The following TMEM182 variants were observed in gnomAD, a reference collection of about 807,000 sequenced individuals.
The protein encoded by TMEM182 is transmembrane protein 182.
TMEM182 carries 20 observed loss-of-function variants against 26.8 expected under a neutral mutation model. The observed-to-expected ratio is 0.75, with a 90% CI of 0.53 to 1.09. The LOEUF is 1.09. Ranked by LOEUF, TMEM182 falls within the 50% of genes least tolerant of loss-of-function variation. TMEM182 has a pLI of 0.00. For missense variants in TMEM182, 277 were observed against 275.5 expected (o/e 1.01, Z -0.04); for synonymous variants, 109 against 102.2 (o/e 1.07, Z -0.40).
intron 4 of TMEM182, among the ~76,000 whole-genome samples, chr2:102,799,875 T>C (rs1558779499): frequency 6.6e-6 from 1 of 152,120 alleles, no homozygotes; most frequent in Admixed American, 6.5e-5. Flanking sequence ...GGGACCTTTG[T>C]GGTTTCTAAG....
At chr2:102,750,384 C>T (rs1679843599) in intron 1 of TMEM182, among the ~76,000 whole-genome samples, 1 of 152,126 alleles carries the variant, frequency 6.6e-6, no homozygotes, top group Non-Finnish European at 1.5e-5. Flanking sequence ...GTAAGTAGGA[C>T]CATTATTCCT....
chr2:102,756,425 C>A (rs1680034598), intron 1 of TMEM182, among the ~76,000 whole-genome samples: 1 of 152,140 alleles, frequency 6.6e-6, no homozygotes, highest in Admixed American at 6.5e-5. Context: ...AAACAGAAAT[C>A]TGCCGGGTGC....
At chr2:102,804,396 G>A (rs1489356062) in intron 4 of TMEM182, among the ~76,000 whole-genome samples, 1 of 152,012 alleles carries the variant, frequency 6.6e-6, no homozygotes, top group African/African-American at 2.4e-5. Flanking sequence ...ATATATTAGT[G>A]AAAACGTACA....
intron 3 of TMEM182, chr2:102,775,199 T>A (rs1485306954): frequency 6.6e-6 from 1 of 152,176 alleles, no homozygotes; most frequent in Admixed American, 6.5e-5. Context: ...CATGATCAAG[T>A]GGGCTTCATC....
chr2:102,811,474 A>T (rs1413777043), intron 4 of TMEM182, among the ~76,000 whole-genome samples: 7 of 152,190 alleles, frequency 4.6e-5, no homozygotes, highest in African/African-American at 1.7e-4. Flanking sequence ...TTATGTAAAT[A>T]TACTCTGTTT....
At chr2:102,776,118 C>T (rs963283725) in intron 3 of TMEM182, among the ~76,000 whole-genome samples, 1 of 152,124 alleles carries the variant, frequency 6.6e-6, no homozygotes, top group African/African-American at 2.4e-5. Context: ...TACACAGTTT[C>T]TCCTATTATT....
intron 3 of TMEM182, among the ~76,000 whole-genome samples, chr2:102,823,955 A>C (rs572712257): frequency 6.6e-6 from 1 of 152,218 alleles, no homozygotes; most frequent in African/African-American, 2.4e-5. Flanking sequence ...ACATCATTGA[A>C]GTTATCCATT....
At position 102,817,556 on chromosome 2, in the gene TMEM182, T is replaced by C; in HGVS notation, c.*2588T>C. On this transcript the variant is annotated 3_prime_UTR_variant, in exon 5 of 5. Coordinates refer to ENST00000412401, the MANE Select transcript of TMEM182 (RefSeq NM_144632.5). Reference sequence around the variant, plus strand: ...ACAATTTGAGGGTTGATGGTAGGGCTTTCTAAAAAAAGTAATATCAAGTGT... The same window carrying C: ...ACAATTTGAGGGTTGATGGTAGGGCCTTCTAAAAAAAGTAATATCAAGTGT... 1 of 985,408 alleles carries C rather than the reference T, an allele frequency of 1.0e-6. No individual in the cohort carries two copies. Among genetic ancestry groups the C allele is most frequent in the Non-Finnish European group, 1.2e-6 (1 of 829,906 alleles). The allele number at this position is 985,408 out of a possible 1,614,324, so 61.0% of individuals were successfully genotyped here. A position where few individuals can be genotyped will look rare whatever the true frequency, so the allele number is the denominator to read the frequency against.
Position 102,814,414 on chromosome 2 carries a change from A to G in TMEM182, c.470-334A>G, listed in dbSNP as rs1161367642. Among the ~76,000 whole-genome samples, 169 of 150,858 alleles carry G rather than the reference A, an allele frequency of 1.1e-3. 3 individuals carry two copies. Among genetic ancestry groups the G allele is most frequent in the Non-Finnish European group, 4.4e-5 (3 of 67,808 alleles). ...CAAACCATTTGTGCAGTAAAAAAGA[A>G]AAAAAAAAGTTAGAATATAAATTCT... On this transcript the variant is annotated intron_variant, in intron 4 of 4. Transcript: ENST00000412401.
intron 3 of TMEM182, among the ~76,000 whole-genome samples, chr2:102,788,333 C>A (rs1476335774): frequency 6.6e-6 from 1 of 152,150 alleles, no homozygotes; most frequent in African/African-American, 2.4e-5. Flanking sequence ...ATGGGGACAA[C>A]TGACTTGCCT....
At chr2:102,784,464 C>T (rs1195584358) in intron 3 of TMEM182, among the ~76,000 whole-genome samples, 2 of 151,952 alleles carry the variant, frequency 1.3e-5, no homozygotes, top group African/African-American at 2.4e-5. Flanking sequence ...TCCATGTGGA[C>T]AAACAGCCAA....
rs529714487 is a variant in TMEM182 at position 102,784,970 on chromosome 2, A to G, written c.332-12893A>G. ...TCCTGTGACTTAGAATGCCTTAATCATCTAGGAATGCAGCCCAGTAGGTTT... is the reference window on the plus strand; with the variant it reads ...TCCTGTGACTTAGAATGCCTTAATCGTCTAGGAATGCAGCCCAGTAGGTTT... On this transcript the variant is annotated intron_variant, in intron 3 of 4. Transcript: ENST00000412401. Among the ~76,000 whole-genome samples the G allele has an allele frequency of 5.9e-5, 9 of 152,196 alleles. No homozygotes were observed. In the South Asian group the frequency reaches 1.7e-3, roughly 28 times the overall value.
At chr2:102,832,588 A>G (rs919654431) in intron 3 of TMEM182, among the ~76,000 whole-genome samples, 5 of 152,224 alleles carry the variant, frequency 3.3e-5, no homozygotes, top group Admixed American at 6.5e-5. Context: ...TTATAATATC[A>G]TTTGAGGGAC....
chr2:102,814,173 G>A (rs1040875530), intron 4 of TMEM182, among the ~76,000 whole-genome samples: 2 of 151,740 alleles, frequency 1.3e-5, no homozygotes, highest in Admixed American at 6.6e-5. Context: ...TTCTTGTCTA[G>A]TGCTTACTTT....
Position 102,736,953 on chromosome 2 carries a change from C to G in TMEM182, c.-143C>G. ...ACCTGGCAGCTCCGCGGGTGCGTGG[C>G]CGGTGCTGGCTGGGAGTTCTGGTCT... On this transcript the variant is annotated 5_prime_UTR_variant, in exon 1 of 6. Coordinates refer to the TMEM182 transcript ENST00000409173. The G allele has an allele frequency of 7.8e-6, 8 of 1,026,014 alleles. No homozygotes were observed. The South Asian group carries it at 1.4e-4, about 18-fold the overall frequency. The allele number at this position is 1,026,014 out of a possible 1,614,324, so 63.6% of individuals were successfully genotyped here. A position where few individuals can be genotyped will look rare whatever the true frequency, so the allele number is the denominator to read the frequency against.
rs138319998 is a variant in TMEM182 at position 102,840,552 on chromosome 2, C to A, written c.326-2860C>A. ...TCCTGAGGCATAGGGGGTGAGGTAG[C>A]GTGAGTTAGCATCAGGCTCATATAG... On this transcript the variant is annotated intron_variant, in intron 3 of 3. Transcript: ENST00000486293. Among the ~76,000 whole-genome samples, 6 of 152,098 alleles carry A rather than the reference C, an allele frequency of 3.9e-5. No homozygotes were observed. In the East Asian group the frequency reaches 9.7e-4, roughly 25 times the overall value.
At chr2:102,802,928 AT>A (rs1682208395) in intron 4 of TMEM182, among the ~76,000 whole-genome samples, 1 of 152,190 alleles carries the variant, frequency 6.6e-6, no homozygotes, top group Non-Finnish European at 1.5e-5. Flanking sequence ...TGTATGTGGA[AT>A]TTTGCTGCAG....
intron 1 of TMEM182, among the ~76,000 whole-genome samples, chr2:102,744,772 G>A (rs1201734673): frequency 6.6e-6 from 1 of 152,008 alleles, no homozygotes; most frequent in Non-Finnish European, 1.5e-5. Flanking sequence ...TGCTGTAATT[G>A]TTGCCCTTAT....
chr2:102,789,713 A>G (rs571136909), intron 3 of TMEM182, among the ~76,000 whole-genome samples: 2 of 152,296 alleles, frequency 1.3e-5, no homozygotes, highest in Non-Finnish European at 2.9e-5. Context: ...CTCTGATACC[A>G]GTTGGATTGG....
Sources: gnomAD v4.1 joint callset for allele counts (sites outside exome capture counted in the v4.1 genomes callset) on GRCh38, gnomAD v4.1.1 for gene constraint, MANE v1.5 for transcripts, NCBI Gene and HGNC (gene_info 2026-07-23, HGNC 2026-07-21) for gene names.